Variants in MYOCD observed in about 807,000 individuals in gnomAD.
MYOCD encodes myocardin.
In MYOCD, 32 loss-of-function variants were observed where a neutral mutation model predicts 96.1. The ratio of observed to expected loss-of-function variants is 0.33; its 90% CI spans 0.25 to 0.45. The LOEUF (loss-of-function observed/expected upper bound fraction) is 0.45, where lower values mean the gene tolerates loss of function less well. MYOCD is among the 20% of genes least tolerant of loss of function. The pLI is 1.00. For synonymous variants in MYOCD, 469 were observed against 469.0 expected, an observed-to-expected ratio of 1.00 and a Z score of 0.00; for missense variants, 1,133 against 1,200.6, an observed-to-expected ratio of 0.94 and a Z score of 0.83.
At chr17:12,742,138 G>A (rs1294318667) in intron 7 of MYOCD, among the ~76,000 whole-genome samples, 1 of 152,138 alleles carries the variant, frequency 6.6e-6, no homozygotes, top group African/African-American at 2.4e-5. Flanking sequence ...GAGCAGGCCA[G>A]GGCAGAGCTG....
At chr17:12,701,909 A>G (rs1187449169) in intron 1 of MYOCD, among the ~76,000 whole-genome samples, 8 of 152,108 alleles carry the variant, frequency 5.3e-5, no homozygotes, top group Admixed American at 3.3e-4. Flanking sequence ...GTGGTCAGAA[A>G]ACATACTCTA....
chr17:12,720,131 A>T (rs2031787282), intron 4 of MYOCD, among the ~76,000 whole-genome samples: 1 of 152,036 alleles, frequency 6.6e-6, no homozygotes, highest in Non-Finnish European at 1.5e-5. Context: ...CCACATGTAC[A>T]GGGATCATGG....
At chr17:12,725,608 A>C (rs1039399223) in intron 5 of MYOCD, among the ~76,000 whole-genome samples, 1 of 149,506 alleles carries the variant, frequency 6.7e-6, no homozygotes, top group African/African-American at 2.4e-5. Flanking sequence ...TATATTACAT[A>C]GTGGAATACT....
chr17:12,694,260 G>T (rs1191262718), intron 1 of MYOCD, among the ~76,000 whole-genome samples: 1 of 152,190 alleles, frequency 6.6e-6, no homozygotes, highest in African/African-American at 2.4e-5. Context: ...GCACAAAAAG[G>T]CATCCGGGAA....
In MYOCD at chr17:12,764,315, C is replaced by T. The variant is rs1259420412; in HGVS notation, c.*671C>T. 6.6e-6 allele frequency: 1 copy of T among 152,184 alleles called. No individual in the cohort carries two copies. The highest frequency in any genetic ancestry group is 1.9e-4 in the East Asian group (1 of 5,194). The allele number at this position is 152,184 out of a possible 1,614,324, so 9.4% of individuals were successfully genotyped here. Reference sequence around the variant, plus strand: ...TAATAACAATTAACCTGAACTGAGTCCACAGAACTCCACTCGGAACTTTCT... The same window carrying T: ...TAATAACAATTAACCTGAACTGAGTTCACAGAACTCCACTCGGAACTTTCT... On this transcript the variant is annotated 3_prime_UTR_variant, in exon 14 of 14. Transcript: ENST00000425538.
chr17:12,758,245 T>G (rs766877614), intron 12 of MYOCD, 32 bp downstream of exon 12: 19 of 1,613,684 alleles, frequency 1.2e-5, no homozygotes, highest in Non-Finnish European at 1.4e-5. Context: ...TATGGAAGAA[T>G]AGACTGACTC....
rs745324497 is a variant in MYOCD, at chr17:12,753,221, A to G, written c.1933A>G (p.Ser645Gly). Residue 645 changes from serine (S) to glycine (G), a missense_variant, in exon 10 of 14, where the codon AGC (serine) becomes GGC (glycine). Ser to Gly is a moderately conservative substitution (Grantham distance 56, BLOSUM62 0). Transcript: ENST00000425538. ...PQHSPLGAVK[S>G]PQHISLPPSP... The stretch of plus-strand genomic sequence containing the variant: ...GCATTCACCGCTGGGGGCTGTGAAA[A>G]GCCCACAGCACATCAGTTTGCCCCC... 1 of 1,614,064 alleles carries G rather than the reference A, an allele frequency of 6.2e-7. No homozygotes were observed.
chr17:12,698,720 C>A (rs1383694793), intron 1 of MYOCD, among the ~76,000 whole-genome samples: 2 of 146,100 alleles, frequency 1.4e-5, no homozygotes, highest in Admixed American at 1.4e-4. Context: ...TTGTCTCCTA[C>A]CAGACCCTCT....
intron 7 of MYOCD, 30 bp from the exon 8 acceptor site, chr17:12,744,153 G>A (rs750158255): frequency 1.9e-6 from 3 of 1,609,338 alleles, no homozygotes; most frequent in African/African-American, 1.3e-5. Context: ...ATCACCTAAA[G>A]CACATGCAAT....
chr17:12,730,824 G>A lies in MYOCD; in HGVS notation c.416-5337G>A, dbSNP rs766236880. 1.9e-4 allele frequency among the ~76,000 whole-genome samples: 29 copies of A among 152,268 alleles called. 1 individual carries two copies. Among genetic ancestry groups the A allele is most frequent in the Middle Eastern group, 6.8e-3 (2 of 294 alleles). On this transcript the variant is annotated intron_variant, in intron 5 of 13. Coordinates refer to ENST00000425538, the MANE Select transcript of MYOCD (RefSeq NM_001146312.3). The stretch of plus-strand genomic sequence containing the variant: ...CTCACAGGTTGATAAGGAAGGAGGC[G>A]CATTTTCATATTCTACTTCATGGTT...
intron 12 of MYOCD, 146 bp from the exon 13 acceptor site, chr17:12,760,504 T>C: frequency 1.5e-6 from 1 of 654,442 alleles, no homozygotes. Flanking sequence ...ATAGTAAATT[T>C]AAAGTTATGT....
rs538239923 is a variant in MYOCD at position 12,764,676 on chromosome 17, C to T, written c.*1032C>T. ...TTTTGTTTTGTTATTATCAGTTTAT[C>T]TTTCTCCCACTCCACTTTTCCTTCA... is the stretch of plus-strand genomic sequence containing the variant. On this transcript the variant is annotated 3_prime_UTR_variant, in exon 14 of 14. Transcript: ENST00000425538. 6.6e-6 allele frequency: 1 copy of T among 152,308 alleles called. No individual in the cohort carries two copies. Among genetic ancestry groups the T allele is most frequent in the Admixed American group, 6.5e-5 (1 of 15,294 alleles). 9.4% of individuals were successfully genotyped at this position (152,308 alleles called of 1,614,324 possible). A position where few individuals can be genotyped will look rare whatever the true frequency, so the allele number is the denominator to read the frequency against.
chr17:12,752,704 G>T lies in MYOCD; in HGVS notation c.1416G>T (p.Pro472=), dbSNP rs751322425. The T allele has an allele frequency of 6.2e-7, 1 of 1,614,074 alleles. No individual in the cohort carries two copies. Among genetic ancestry groups the T allele is most frequent in the Non-Finnish European group, 8.5e-7 (1 of 1,180,030 alleles). ...SSDLSVAGSL[P]DTFNDASPSF... is the part of the protein sequence containing the mutation. ...ACCTGTCAGTCGCTGGGTCCCTGCC[G>T]GACACCTTCAATGATGCCTCCCCCT... is the stretch of plus-strand genomic sequence containing the variant. Residue 472 remains proline, a synonymous_variant, in exon 10 of 14, where the codon CCG becomes CCT. Coordinates refer to ENST00000425538, the MANE Select transcript of MYOCD (RefSeq NM_001146312.3).
intron 1 of MYOCD, among the ~76,000 whole-genome samples, chr17:12,695,321 C>T (rs893544036): frequency 9.2e-5 from 14 of 152,144 alleles, no homozygotes; most frequent in Non-Finnish European, 1.9e-4. Flanking sequence ...TCTGAAGCCT[C>T]CTTTATAAGG....
At chr17:12,746,657 A>G (rs1194112911) in intron 9 of MYOCD, among the ~76,000 whole-genome samples, 3 of 151,704 alleles carry the variant, frequency 2.0e-5, no homozygotes, top group Non-Finnish European at 2.9e-5. Context: ...ACATGCTCAG[A>G]ATCATTGGCT....
intron 7 of MYOCD, among the ~76,000 whole-genome samples, chr17:12,740,468 A>T (rs1005867511): frequency 6.6e-6 from 1 of 152,234 alleles, no homozygotes; most frequent in Admixed American, 6.5e-5. Context: ...AATGGCCTGC[A>T]GCTCCATCCA....
chr17:12,743,651 C>T (rs1431973371), intron 7 of MYOCD, among the ~76,000 whole-genome samples: 1 of 151,930 alleles, frequency 6.6e-6, no homozygotes, highest in Non-Finnish European at 1.5e-5. Flanking sequence ...TGACACCACA[C>T]CTGGCTACTT....
chr17:12,734,654 G>A (rs1298307537), intron 5 of MYOCD, among the ~76,000 whole-genome samples: 3 of 151,720 alleles, frequency 2.0e-5, no homozygotes, highest in East Asian at 1.9e-4. Context: ...GGGATTACAG[G>A]TGCTCGCCAC....
At chr17:12,672,188 C>A (rs1296457111) in intron 1 of MYOCD, 3 of 152,168 alleles carry the variant, frequency 2.0e-5, no homozygotes, top group Non-Finnish European at 4.4e-5. Flanking sequence ...TTAAGGGTTT[C>A]TTTCTGAAAA....
Sources: allele counts gnomAD v4.1 joint callset (sites outside exome capture counted in the v4.1 genomes callset), GRCh38; gene constraint gnomAD v4.1.1; transcripts MANE v1.5; gene names NCBI Gene and HGNC (gene_info 2026-07-23, HGNC 2026-07-21).